CENPK: variants seen among roughly 807,000 people sequenced by gnomAD.
The protein encoded by CENPK is centromere protein K.
In CENPK, 46 loss-of-function variants were observed where a neutral mutation model predicts 40.9. That is an observed-to-expected ratio of 1.13 (90% CI 0.89 to 1.44). The LOEUF is 1.44. Among genes scored for constraint, CENPK ranks in the 40% most tolerant of loss-of-function variants. The probability of loss-of-function intolerance (pLI) is 0.00; values close to 1 mark genes in which losing one functional copy is unlikely to be tolerated. For missense variants in CENPK, 288 were observed against 303.5 expected (o/e 0.95, Z 0.38); for synonymous variants, 107 against 104.4 (o/e 1.02, Z -0.15).
chr5:65,551,754 A>T (rs1750098639), intron 4 of CENPK, 118 bp from the exon 5 acceptor site: 1 of 482,724 alleles, frequency 2.1e-6, no homozygotes, highest in South Asian at 4.9e-5. Flanking sequence ...CCTAACTCTC[A>T]CGCTGCTCCA....
chr5:65,499,811 C>A, the CENPK span, among the ~76,000 whole-genome samples: 1 of 95,110 alleles, frequency 1.1e-5, no homozygotes, highest in Non-Finnish European at 2.1e-5. Flanking sequence ...AATGCTATCC[C>A]TCCCCCCTCC....
intron 10 of CENPK, among the ~76,000 whole-genome samples, chr5:65,519,133 T>C (rs1319945538): frequency 6.6e-6 from 1 of 152,194 alleles, no homozygotes; most frequent in South Asian, 2.1e-4. Flanking sequence ...TCGTTAAGGA[T>C]ATTGTGGAAT....
intron 5 of CENPK, chr5:65,551,313 A>G (rs1750000824): frequency 2.6e-6 from 1 of 386,010 alleles, no homozygotes; most frequent in Admixed American, 4.4e-5. Context: ...GGCAGTGTCT[A>G]TGAGGATAAC....
intron 10 of CENPK, among the ~76,000 whole-genome samples, chr5:65,520,485 T>C (rs1440707197): frequency 6.6e-6 from 1 of 152,174 alleles, no homozygotes; most frequent in Admixed American, 6.5e-5. Context: ...TACCTTTCAG[T>C]ATTTCCATGA....
At chr5:65,501,170 GTTTGTTTTTTTTTTTTT>G in the CENPK span, among the ~76,000 whole-genome samples, 7 of 126,316 alleles carry the variant, frequency 5.5e-5, no homozygotes, top group East Asian at 1.7e-3. Context: ...CAATTGCTAA[GTTTGTTTTTTTTTTTTT>G]TTTTTTTTTT....
At chr5:65,540,726 C>G (rs1430461332) in intron 6 of CENPK, among the ~76,000 whole-genome samples, 1 of 151,924 alleles carries the variant, frequency 6.6e-6, no homozygotes, top group Non-Finnish European at 1.5e-5. Context: ...AGTACCATGT[C>G]CAGAGATGGC....
chr5:65,559,628 C>CA lies in CENPK; in HGVS notation c.-40+1834dup, dbSNP rs1276581370. ...TGGGCGACAGAGCGAGACTCCGTCTCAGAAAAAAAAAAAAAAAAAAATTTA... is the reference window on the plus strand; with the variant it reads ...TGGGCGACAGAGCGAGACTCCGTCTCAAGAAAAAAAAAAAAAAAAAAATTTA... On this transcript the variant is annotated intron_variant, in intron 2 of 10. Transcript: ENST00000396679. Among the ~76,000 whole-genome samples the CA allele has an allele frequency of 2.1e-3, 114 of 55,600 alleles. 2 individuals are homozygous for CA. The highest frequency in any genetic ancestry group is 4.8e-3 in the African/African-American group (57 of 11,990). 36.5% of individuals were successfully genotyped at this position (55,600 alleles called of 152,430 possible).
At chr5:65,515,978 C>T (rs1022855988), downstream of CENPK, among the ~76,000 whole-genome samples, 4 of 152,196 alleles carry the variant, frequency 2.6e-5, no homozygotes, top group Non-Finnish European at 4.4e-5. Context: ...TTGTAGACAG[C>T]TACCTTCTAG....
At chr5:65,515,608 C>T (rs868662508), downstream of CENPK, among the ~76,000 whole-genome samples, 28 of 152,282 alleles carry the variant, frequency 1.8e-4, no homozygotes, top group Middle Eastern at 6.8e-3. Context: ...CCTTAATCTA[C>T]AAGTATTTTG....
chr5:65,559,348 G>A (rs1751531568), intron 2 of CENPK, among the ~76,000 whole-genome samples: 1 of 152,156 alleles, frequency 6.6e-6, no homozygotes, highest in South Asian at 2.1e-4. Flanking sequence ...TACATGGAAG[G>A]GCCGGGCGCG....
downstream of CENPK, among the ~76,000 whole-genome samples, chr5:65,513,131 T>C (rs1267532846): frequency 1.3e-5 from 2 of 152,212 alleles, no homozygotes; most frequent in Non-Finnish European, 2.9e-5. Flanking sequence ...TATTTTTTCA[T>C]TTTAACAGTG....
the CENPK span, among the ~76,000 whole-genome samples, chr5:65,501,968 A>G: frequency 6.6e-6 from 1 of 152,060 alleles, no homozygotes; most frequent in Non-Finnish European, 1.5e-5. Flanking sequence ...TGGGTATGTA[A>G]GTTCAGAACC....
At chr5:65,540,915 C>T (rs1457635332) in intron 6 of CENPK, among the ~76,000 whole-genome samples, 2 of 151,736 alleles carry the variant, frequency 1.3e-5, no homozygotes, top group African/African-American at 4.8e-5. Flanking sequence ...TCAAGCAATC[C>T]TCCCACCTCA....
chr5:65,556,462 C>G (rs1267437521), intron 2 of CENPK, among the ~76,000 whole-genome samples: 1 of 151,980 alleles, frequency 6.6e-6, no homozygotes, highest in Non-Finnish European at 1.5e-5. Context: ...GTGACAGAGA[C>G]AAACTCTGTC....
the CENPK span, among the ~76,000 whole-genome samples, chr5:65,503,948 G>GA: frequency 7.0e-6 from 1 of 142,268 alleles, no homozygotes; most frequent in Non-Finnish European, 1.5e-5. Flanking sequence ...GAGTCACCGT[G>GA]CCCGGCCTGC....
At position 65,554,915 on chromosome 5, in the gene CENPK, T is replaced by C; in HGVS notation, c.-8A>G. On this transcript the variant is annotated 5_prime_UTR_variant, in exon 3 of 11. Coordinates refer to ENST00000396679, the MANE Select transcript of CENPK (RefSeq NM_022145.5). ...TAGATCCTCCTGATTCATTGATATATGCTTTGTGAATTTTTAGCCTTATAA... is the reference window on the plus strand; with the variant it reads ...TAGATCCTCCTGATTCATTGATATACGCTTTGTGAATTTTTAGCCTTATAA... The C allele has an allele frequency of 2.7e-6, 4 of 1,496,790 alleles. No homozygotes were observed. The highest frequency in any genetic ancestry group is 1.2e-5 in the South Asian group (1 of 86,280). 92.7% of individuals were successfully genotyped at this position (1,496,790 alleles called of 1,614,324 possible).
intron 6 of CENPK, among the ~76,000 whole-genome samples, chr5:65,532,910 CAA>C (rs60713724): frequency 8.1e-5 from 3 of 37,012 alleles, no homozygotes; most frequent in African/African-American, 3.0e-4. Context: ...ACTCCATCTC[CAA>C]AAAAAAAAAA....
At chr5:65,553,222 A>G (rs1750397574) in intron 3 of CENPK, among the ~76,000 whole-genome samples, 2 of 152,202 alleles carry the variant, frequency 1.3e-5, no homozygotes, top group African/African-American at 2.4e-5. Flanking sequence ...TAATTTGACC[A>G]GTTCTGAAAC....
chr5:65,505,504 G>A, the CENPK span, among the ~76,000 whole-genome samples: 61,827 of 152,012 alleles, frequency 0.41, 12,927 homozygotes, highest in East Asian at 0.65. Flanking sequence ...AGCTGGGCAT[G>A]GTGGTGCATA....
Sources: allele counts gnomAD v4.1 joint callset (sites outside exome capture counted in the v4.1 genomes callset), GRCh38; gene constraint gnomAD v4.1.1; transcripts MANE v1.5; gene names NCBI Gene and HGNC (gene_info 2026-07-23, HGNC 2026-07-21).